Variants in PRKN observed in about 807,000 individuals in gnomAD.
PRKN encodes E3 ubiquitin-protein ligase parkin.
A neutral mutation model predicts 59.5 loss-of-function variants in PRKN; 56 were observed. The observed-to-expected ratio is 0.94, with a 90% CI of 0.76 to 1.18. PRKN has a LOEUF of 1.18. PRKN is among the 50% of genes most tolerant of loss of function. The pLI is 0.00. For missense variants in PRKN, 657 were observed against 596.4 expected, an observed-to-expected ratio of 1.10 and a Z score of -1.06; for synonymous variants, 250 against 222.1, an observed-to-expected ratio of 1.13 and a Z score of -1.12.
intron 10 of PRKN, among the ~76,000 whole-genome samples, chr6:161,383,906 T>C (rs952423795): frequency 9.2e-5 from 14 of 152,238 alleles, no homozygotes; most frequent in Admixed American, 4.6e-4. Context: ...GTCTGGCAAC[T>C]GTTCACCAGC....
chr6:162,214,105 T>C (rs1777531989), intron 3 of PRKN, among the ~76,000 whole-genome samples: 1 of 151,916 alleles, frequency 6.6e-6, no homozygotes, highest in Non-Finnish European at 1.5e-5. Flanking sequence ...ACGTACAGCA[T>C]ACACACACGA....
intron 7 of PRKN, among the ~76,000 whole-genome samples, chr6:161,609,139 A>G (rs7769763): frequency 0.086 from 13,079 of 152,282 alleles, 1,905 homozygotes; most frequent in African/African-American, 0.3. Context: ...CATATGTCCA[A>G]TTATGGGACA....
chr6:161,831,605 A>C (rs1792502276), intron 6 of PRKN, among the ~76,000 whole-genome samples: 1 of 152,232 alleles, frequency 6.6e-6, no homozygotes, highest in Admixed American at 6.5e-5. Context: ...TTCTGTGCAG[A>C]AGCAGCAGAA....
intron 4 of PRKN, among the ~76,000 whole-genome samples, chr6:162,058,051 T>C (rs1777936709): frequency 6.6e-6 from 1 of 152,210 alleles, no homozygotes; most frequent in Non-Finnish European, 1.5e-5. Context: ...TGTTTCTCTG[T>C]AGGTTGTGAT....
intron 6 of PRKN, among the ~76,000 whole-genome samples, chr6:161,804,950 T>C (rs944485760): frequency 1.3e-5 from 2 of 152,238 alleles, no homozygotes; most frequent in Admixed American, 6.5e-5. Flanking sequence ...AGTTGGACTA[T>C]TAACTGAGAC....
chr6:162,285,214 C>T (rs936131161), intron 2 of PRKN, among the ~76,000 whole-genome samples: 3 of 149,552 alleles, frequency 2.0e-5, no homozygotes, highest in East Asian at 2.0e-4. Flanking sequence ...TGGTCCCTCT[C>T]GAATTCTATA....
At chr6:161,853,534 A>G (rs999332458) in intron 6 of PRKN, among the ~76,000 whole-genome samples, 1 of 152,248 alleles carries the variant, frequency 6.6e-6, no homozygotes, top group Non-Finnish European at 1.5e-5. Context: ...AAAGTATATG[A>G]GAGACTTACA....
chr6:162,438,953 G>C (rs1351879318), intron 2 of PRKN, among the ~76,000 whole-genome samples: 2 of 152,152 alleles, frequency 1.3e-5, no homozygotes, highest in Non-Finnish European at 2.9e-5. Flanking sequence ...ACAGGTCTCT[G>C]AGGCTCTATT....
chr6:161,883,040 A>C (rs1275060640), intron 6 of PRKN, among the ~76,000 whole-genome samples: 1 of 92,916 alleles, frequency 1.1e-5, no homozygotes, highest in Non-Finnish European at 2.2e-5. Context: ...AACAAAAAAA[A>C]ACCAAAAAAA....
At chr6:162,463,715 T>C (rs1667787334) in intron 1 of PRKN, among the ~76,000 whole-genome samples, 1 of 152,176 alleles carries the variant, frequency 6.6e-6, no homozygotes, top group Non-Finnish European at 1.5e-5. Flanking sequence ...CAATGTTTGG[T>C]TCACAAGTGT....
At chr6:161,916,187 T>G (rs1778550465) in intron 6 of PRKN, among the ~76,000 whole-genome samples, 1 of 152,222 alleles carries the variant, frequency 6.6e-6, no homozygotes, top group Admixed American at 6.5e-5. Flanking sequence ...AATTTCCACT[T>G]TGGTATTTCT....
At chr6:161,904,308 GGTTTTTT>G (rs1425753661) in intron 6 of PRKN, among the ~76,000 whole-genome samples, 5 of 114,434 alleles carry the variant, frequency 4.4e-5, no homozygotes, top group African/African-American at 1.4e-4. Flanking sequence ...GAATTTGTGG[GGTTTTTT>G]TTTTTTTTTT....
chr6:161,980,519 A>T (rs983075952), intron 5 of PRKN, among the ~76,000 whole-genome samples: 4 of 152,230 alleles, frequency 2.6e-5, no homozygotes, highest in Admixed American at 6.5e-5. Flanking sequence ...GAAGAACTAA[A>T]CAGAGAAAGG....
intron 1 of PRKN, among the ~76,000 whole-genome samples, chr6:162,647,645 C>G (rs1401177385): frequency 1.3e-5 from 2 of 152,030 alleles, no homozygotes; most frequent in Non-Finnish European, 2.9e-5. Context: ...TCAGGGCTTT[C>G]TGGAAGTATT....
At chr6:162,463,095 GA>G (rs11417500) in intron 1 of PRKN, among the ~76,000 whole-genome samples, 3 of 150,000 alleles carry the variant, frequency 2.0e-5, no homozygotes, top group Non-Finnish European at 3.0e-5. Context: ...AATTAAAAAC[GA>G]AAAAAAAACC....
chr6:162,024,161 G>A lies in PRKN; in HGVS notation c.618+29930C>T, dbSNP rs60482118. 4.0e-4 allele frequency among the ~76,000 whole-genome samples: 60 copies of A among 148,256 alleles called. No individual in the cohort carries two copies. In the East Asian group the frequency reaches 9.6e-3, roughly 24 times the overall value. ...TTTCCAGTTTGTTTGTGTCAGGTAC[G>A]AGTCCCTCCCTTCCTCCCTCCCTCC... is the stretch of plus-strand genomic sequence containing the variant. On this transcript the variant is annotated intron_variant, in intron 5 of 11. Transcript: ENST00000366898.
intron 7 of PRKN, among the ~76,000 whole-genome samples, chr6:161,707,086 G>A (rs1786532623): frequency 6.6e-6 from 1 of 152,000 alleles, no homozygotes; most frequent in Admixed American, 6.6e-5. Flanking sequence ...ACATGTGTTT[G>A]GTAGATTTGA....
chr6:162,255,532 TA>T lies in PRKN; in HGVS notation c.412+6992del, dbSNP rs546636234. Among the ~76,000 whole-genome samples, 65 of 152,240 alleles carry T rather than the reference TA, an allele frequency of 4.3e-4. No homozygotes were observed. The East Asian group carries it at 6.0e-3, about 14-fold the overall frequency. Reference sequence around the variant, plus strand: ...AAGGTTACTGATTCAGTAGGTCTGATAGGGGGCCAATGATTCTGCATTTCTG... The same window carrying T: ...AAGGTTACTGATTCAGTAGGTCTGATGGGGGCCAATGATTCTGCATTTCTG... On this transcript the variant is annotated intron_variant, in intron 3 of 11. Transcript: ENST00000366898.
At chr6:162,640,763 G>A (rs2128224440) in intron 1 of PRKN, among the ~76,000 whole-genome samples, 1 of 152,296 alleles carries the variant, frequency 6.6e-6, no homozygotes, top group South Asian at 2.1e-4. Flanking sequence ...GGCTGTGCTT[G>A]ACAATTCCCT....
Sources: gnomAD v4.1 joint callset for allele counts (sites outside exome capture counted in the v4.1 genomes callset) on GRCh38, gnomAD v4.1.1 for gene constraint, MANE v1.5 for transcripts, NCBI Gene and HGNC (gene_info 2026-07-23, HGNC 2026-07-21) for gene names.